The following CDH13 variants were observed in gnomAD, a reference collection of about 807,000 sequenced individuals.
CDH13 encodes cadherin 13, also known as cadherin-13.
CDH13 carries 24 observed loss-of-function variants against 63.8 expected under a neutral mutation model. The observed-to-expected ratio is 0.38, with a 90% CI of 0.27 to 0.53. The LOEUF is 0.53. Among genes scored for constraint, CDH13 ranks in the 20% least tolerant of loss-of-function variants. The pLI, the probability that CDH13 is intolerant of heterozygous loss-of-function variation, is 0.85. For missense variants in CDH13, 1,049 were observed against 903.1 expected (o/e 1.16, Z -2.07); for synonymous variants, 503 against 355.3 (o/e 1.42, Z -4.67).
chr16:83,480,409 G>A (rs944418122), intron 6 of CDH13, among the ~76,000 whole-genome samples: 5 of 152,068 alleles, frequency 3.3e-5, no homozygotes, highest in Non-Finnish European at 5.9e-5. Context: ...TCCTCAGCCG[G>A]GCCACTGGCT....
chr16:82,845,126 A>C (rs1438914635), intron 1 of CDH13, among the ~76,000 whole-genome samples: 1 of 152,158 alleles, frequency 6.6e-6, no homozygotes, highest in Non-Finnish European at 1.5e-5. Context: ...ATGAGAAGGC[A>C]GGAAAGGAGA....
intron 1 of CDH13, among the ~76,000 whole-genome samples, chr16:82,735,064 A>C (rs1241467474): frequency 1.3e-5 from 2 of 152,034 alleles, no homozygotes; most frequent in Non-Finnish European, 1.5e-5. Context: ...GAGTTGGCAG[A>C]CTCTCTCTTT....
intron 1 of CDH13, among the ~76,000 whole-genome samples, chr16:82,683,154 T>A (rs1308253506): frequency 6.6e-6 from 1 of 152,172 alleles, no homozygotes; most frequent in Non-Finnish European, 1.5e-5. Context: ...AAGTCGTAGA[T>A]CAGAAGATGT....
chr16:83,052,264 C>T (rs955169330), intron 3 of CDH13, among the ~76,000 whole-genome samples: 6 of 152,094 alleles, frequency 3.9e-5, no homozygotes, highest in Non-Finnish European at 7.4e-5. Context: ...TTTTTGAATG[C>T]ATTGTTATAA....
chr16:83,345,519 C>G (rs796902271), intron 6 of CDH13, among the ~76,000 whole-genome samples: 1 of 152,188 alleles, frequency 6.6e-6, no homozygotes, highest in Non-Finnish European at 1.5e-5. Flanking sequence ...TTTGATATCT[C>G]TCTCTGGAAA....
At chr16:83,709,984 G>C (rs1292516613) in intron 10 of CDH13, among the ~76,000 whole-genome samples, 2 of 152,158 alleles carry the variant, frequency 1.3e-5, no homozygotes. Context: ...CCAAAAAATG[G>C]CCTATTTTTA....
At position 83,268,735 on chromosome 16, in the gene CDH13, T is replaced by A. The variant is rs1034715689; in HGVS notation, c.636+51238T>A. On this transcript the variant is annotated intron_variant, in intron 5 of 13. Coordinates refer to ENST00000567109, the MANE Select transcript of CDH13 (RefSeq NM_001257.5). ...GAATTGATCATAATGTGATTGATGT[T>A]GAGAAATAGGATTTATATAGTCCAT... is the stretch of plus-strand genomic sequence containing the variant. Among the ~76,000 whole-genome samples the A allele has an allele frequency of 2.3e-4, 35 of 152,222 alleles. 1 individual carries two copies. Among genetic ancestry groups the A allele is most frequent in the Admixed American group, 6.5e-4 (10 of 15,282 alleles).
At position 83,000,223 on chromosome 16, in the gene CDH13, ATTTTTTTTTTTTTTTTTTT is replaced by A. The variant is rs746904500; in HGVS notation, c.158-31764_158-31746del. Among the ~76,000 whole-genome samples the A allele has an allele frequency of 2.1e-3, 78 of 37,030 alleles. 3 individuals carry two copies. The highest frequency in any genetic ancestry group is 0.015 in the Admixed American group (40 of 2,622). 24.3% of individuals were successfully genotyped at this position (37,030 alleles called of 152,430 possible). ...CTAGGAATATCCACAGGTTTAGCTT[ATTTTTTTTTTTTTTTTTTT>A]TTTTTTTTTTTTTTTTTTTTTTGAG... On this transcript the variant is annotated intron_variant, in intron 2 of 13. Transcript: ENST00000567109.
chr16:83,264,505 T>A (rs575921005), intron 5 of CDH13, among the ~76,000 whole-genome samples: 22 of 151,402 alleles, frequency 1.5e-4, no homozygotes, highest in African/African-American at 5.3e-4. Flanking sequence ...TATACACATG[T>A]ATGTGTGTGT....
intron 5 of CDH13, among the ~76,000 whole-genome samples, chr16:83,237,415 C>T (rs1202615422): frequency 1.3e-5 from 2 of 152,236 alleles, no homozygotes; most frequent in African/African-American, 4.8e-5. Flanking sequence ...AGTAGACCAA[C>T]ACTGTGTAAT....
At chr16:82,915,204 C>T (rs892106313) in intron 2 of CDH13, among the ~76,000 whole-genome samples, 1 of 152,156 alleles carries the variant, frequency 6.6e-6, no homozygotes, top group African/African-American at 2.4e-5. Context: ...CCTGTGTTTT[C>T]AATTGTCCTT....
chr16:83,562,297 T>C (rs992054891), intron 7 of CDH13, among the ~76,000 whole-genome samples: 1 of 152,178 alleles, frequency 6.6e-6, no homozygotes, highest in Non-Finnish European at 1.5e-5. Context: ...ACTTTTCATC[T>C]TCCTGTGTCA....
At chr16:82,846,742 C>G (rs554964249) in intron 1 of CDH13, among the ~76,000 whole-genome samples, 1 of 152,152 alleles carries the variant, frequency 6.6e-6, no homozygotes, top group Non-Finnish European at 1.5e-5. Flanking sequence ...ATTTTTCCAT[C>G]TCTAGTATCT....
intron 7 of CDH13, among the ~76,000 whole-genome samples, chr16:83,524,103 A>G (rs542414310): frequency 2.6e-5 from 4 of 152,350 alleles, no homozygotes; most frequent in African/African-American, 9.6e-5. Context: ...GAAGAGCTGA[A>G]ATGTCCTCAT....
At chr16:83,455,409 G>A (rs983960980) in intron 6 of CDH13, among the ~76,000 whole-genome samples, 7 of 152,080 alleles carry the variant, frequency 4.6e-5, no homozygotes, top group East Asian at 1.9e-4. Flanking sequence ...GGGATGAGTC[G>A]CAGGTTCCAT....
intron 3 of CDH13, among the ~76,000 whole-genome samples, chr16:83,038,027 G>T (rs952075443): frequency 6.6e-6 from 1 of 152,162 alleles, no homozygotes; most frequent in African/African-American, 2.4e-5. Flanking sequence ...AACAGGAAGA[G>T]AAAGTAAAGC....
At chr16:83,144,797 C>T (rs2036677547) in intron 4 of CDH13, among the ~76,000 whole-genome samples, 1 of 152,240 alleles carries the variant, frequency 6.6e-6, no homozygotes, top group South Asian at 2.1e-4. Flanking sequence ...TTCATCCACC[C>T]AGGTGTCTAT....
chr16:83,779,580 T>C (rs1483118798), intron 11 of CDH13, among the ~76,000 whole-genome samples: 1 of 152,090 alleles, frequency 6.6e-6, no homozygotes, highest in Non-Finnish European at 1.5e-5. Context: ...CACAACACTT[T>C]TGGTGTCTGA....
intron 7 of CDH13, among the ~76,000 whole-genome samples, chr16:83,531,968 A>G (rs531344175): frequency 4.4e-4 from 67 of 152,214 alleles, no homozygotes; most frequent in Non-Finnish European, 6.3e-4. Flanking sequence ...CACAATTCCC[A>G]TGTGTTATGG....
Sources: gnomAD v4.1 joint callset for allele counts (sites outside exome capture counted in the v4.1 genomes callset) on GRCh38, gnomAD v4.1.1 for gene constraint, MANE v1.5 for transcripts, NCBI Gene and HGNC (gene_info 2026-07-23, HGNC 2026-07-21) for gene names.